Variants in CSMD3 observed in about 807,000 individuals in gnomAD.
The protein encoded by CSMD3 is CUB and sushi domain-containing protein 3.
A neutral mutation model predicts 435.2 loss-of-function variants in CSMD3; 177 were observed. The observed-to-expected ratio is 0.41, with a 90% CI of 0.36 to 0.46. The LOEUF is 0.46. Among genes scored for constraint, CSMD3 ranks in the 20% least tolerant of loss-of-function variants. The pLI, the probability that CSMD3 is intolerant of heterozygous loss-of-function variation, is 0.34. For synonymous variants in CSMD3, 1,656 were observed against 1,520.5 expected (o/e 1.09, Z -2.07); for missense variants, 4,265 against 4,504.6 (o/e 0.95, Z 1.52).
intron 10 of CSMD3, among the ~76,000 whole-genome samples, chr8:112,905,321 T>TATATACAC (rs5894119): frequency 4.0e-4 from 58 of 145,688 alleles, no homozygotes; most frequent in African/African-American, 1.4e-3. Context: ...TATATATATA[T>TATATACAC]ACACACACAC....
At chr8:112,796,012 T>C (rs2078819783) in intron 13 of CSMD3, among the ~76,000 whole-genome samples, 1 of 152,096 alleles carries the variant, frequency 6.6e-6, no homozygotes, top group Non-Finnish European at 1.5e-5. Flanking sequence ...GGTTTTTGTC[T>C]GTGTGTGTGG....
At chr8:112,758,019 G>T (rs993086373) in intron 13 of CSMD3, among the ~76,000 whole-genome samples, 5 of 152,158 alleles carry the variant, frequency 3.3e-5, no homozygotes, top group African/African-American at 1.2e-4. Context: ...TCAGGCAATT[G>T]CACTCCAGCT....
intron 34 of CSMD3, 63 bp from the exon 35 acceptor site, chr8:112,406,790 T>A (rs2130032635): frequency 9.5e-7 from 1 of 1,048,694 alleles, no homozygotes; most frequent in Non-Finnish European, 1.4e-6. Context: ...TTTCAAAATG[T>A]AACTGTTTAA....
intron 32 of CSMD3, among the ~76,000 whole-genome samples, chr8:112,441,869 C>A (rs1242612860): frequency 6.6e-6 from 1 of 152,126 alleles, no homozygotes; most frequent in African/African-American, 2.4e-5. Flanking sequence ...GTGGGTATTA[C>A]AATTCAGATT....
chr8:112,662,351 C>A (rs2075404350), intron 17 of CSMD3, among the ~76,000 whole-genome samples: 1 of 151,992 alleles, frequency 6.6e-6, no homozygotes, highest in African/African-American at 2.4e-5. Context: ...CAGAACAGAG[C>A]CCTCAGAAAT....
At chr8:112,903,994 A>G (rs944379372) in intron 10 of CSMD3, among the ~76,000 whole-genome samples, 3 of 151,320 alleles carry the variant, frequency 2.0e-5, no homozygotes, top group African/African-American at 7.3e-5. Context: ...AGGCACTTTG[A>G]AGGCACTGTA....
At chr8:112,444,637 T>C (rs1815396622) in intron 32 of CSMD3, among the ~76,000 whole-genome samples, 1 of 152,222 alleles carries the variant, frequency 6.6e-6, no homozygotes, top group Non-Finnish European at 1.5e-5. Context: ...ATTTCACTTG[T>C]GTGGCATTCA....
intron 8 of CSMD3, among the ~76,000 whole-genome samples, chr8:112,953,623 A>C (rs1178408384): frequency 6.6e-6 from 1 of 151,420 alleles, no homozygotes; most frequent in Non-Finnish European, 1.5e-5. Flanking sequence ...GAAAATTATG[A>C]CACCATTAAT....
intron 7 of CSMD3, among the ~76,000 whole-genome samples, chr8:112,960,888 A>T (rs982278232): frequency 2.0e-5 from 3 of 151,756 alleles, no homozygotes; most frequent in Non-Finnish European, 4.4e-5. Flanking sequence ...AAATCATTAG[A>T]GACAAGTAAT....
At chr8:112,903,696 T>C (rs939444300) in intron 10 of CSMD3, among the ~76,000 whole-genome samples, 4 of 151,378 alleles carry the variant, frequency 2.6e-5, no homozygotes. Context: ...ACCTGCTGGA[T>C]GTCTCTGACT....
intron 13 of CSMD3, among the ~76,000 whole-genome samples, chr8:112,798,538 T>C (rs993874332): frequency 4.0e-5 from 6 of 151,790 alleles, no homozygotes; most frequent in Non-Finnish European, 8.9e-5. Flanking sequence ...AAATATATCA[T>C]CTCTGTGAAT....
At position 112,491,966 on chromosome 8, in the gene CSMD3, T is replaced by C. The variant is rs184762523; in HGVS notation, c.5278+523A>G. Among the ~76,000 whole-genome samples the C allele has an allele frequency of 2.0e-5, 3 of 152,326 alleles. No homozygotes were observed. The East Asian group carries it at 5.8e-4, about 29-fold the overall frequency. ...TTCCTTTCTTATATAGAGAGAGTTA[T>C]ATACAAGTATATGATTTTTAAATAT... On this transcript the variant is annotated intron_variant, in intron 31 of 70. Coordinates refer to ENST00000297405, the MANE Select transcript of CSMD3 (RefSeq NM_198123.2).
chr8:113,120,803 CCAAAGCCAA>C (rs1280377099), intron 4 of CSMD3, among the ~76,000 whole-genome samples: 16 of 152,138 alleles, frequency 1.1e-4, no homozygotes, highest in African/African-American at 3.9e-4. Context: ...TTTATGGAGT[CCAAAGCCAA>C]ATGTAAATGA....
chr8:113,399,229 C>T (rs2094498600), intron 1 of CSMD3, among the ~76,000 whole-genome samples: 1 of 150,458 alleles, frequency 6.6e-6, no homozygotes, highest in Non-Finnish European at 1.5e-5. Context: ...ATGTTTATTG[C>T]TAAGAGGAAT....
At chr8:112,606,442 G>A (rs1286684698) in intron 22 of CSMD3, among the ~76,000 whole-genome samples, 1 of 152,118 alleles carries the variant, frequency 6.6e-6, no homozygotes, top group Non-Finnish European at 1.5e-5. Flanking sequence ...CATCAGAGAC[G>A]CTACCATGAG....
chr8:112,719,288 G>C (rs2076803396), intron 13 of CSMD3, among the ~76,000 whole-genome samples: 1 of 152,012 alleles, frequency 6.6e-6, no homozygotes, highest in African/African-American at 2.4e-5. Flanking sequence ...TAGAATTTAA[G>C]GTATAAAGGT....
At chr8:112,664,902 G>T (rs2075482128) in intron 17 of CSMD3, among the ~76,000 whole-genome samples, 1 of 152,130 alleles carries the variant, frequency 6.6e-6, no homozygotes. Flanking sequence ...ATCTCATGCA[G>T]TCTGTGACAC....
At chr8:113,411,744 G>A (rs549076702) in intron 1 of CSMD3, among the ~76,000 whole-genome samples, 1 of 152,100 alleles carries the variant, frequency 6.6e-6, no homozygotes, top group South Asian at 2.1e-4. Flanking sequence ...AAATATGAAA[G>A]ATGATATTGG....
At chr8:112,576,949 T>C (rs1022616020) in intron 23 of CSMD3, among the ~76,000 whole-genome samples, 4 of 152,004 alleles carry the variant, frequency 2.6e-5, no homozygotes, top group African/African-American at 4.8e-5. Context: ...AGAAAAATTA[T>C]TTTAAGTACA....
Sources: allele counts gnomAD v4.1 joint callset (sites outside exome capture counted in the v4.1 genomes callset), GRCh38; gene constraint gnomAD v4.1.1; transcripts MANE v1.5; gene names NCBI Gene and HGNC (gene_info 2026-07-23, HGNC 2026-07-21).